IMPA2: variants seen among roughly 807,000 people sequenced by gnomAD.
IMPA2 encodes the protein IMP 2.
IMPA2 carries 32 observed loss-of-function variants against 35.1 expected under a neutral mutation model. The ratio of observed to expected loss-of-function variants is 0.91; its 90% CI spans 0.69 to 1.23. The LOEUF (loss-of-function observed/expected upper bound fraction) is 1.23, where lower values mean the gene tolerates loss of function less well. IMPA2 is among the 50% of genes most tolerant of loss of function. IMPA2 has a pLI of 0.00. For missense variants in IMPA2, 334 were observed against 387.6 expected, an observed-to-expected ratio of 0.86 and a Z score of 1.16; for synonymous variants, 135 against 160.6, an observed-to-expected ratio of 0.84 and a Z score of 1.20.
intron 5 of IMPA2, among the ~76,000 whole-genome samples, chr18:12,014,907 A>G (rs556549230): frequency 2.9e-4 from 44 of 152,300 alleles, no homozygotes; most frequent in African/African-American, 9.9e-4. Flanking sequence ...TCTCAGGGTC[A>G]TCCAGTGGCT....
intron 1 of IMPA2, among the ~76,000 whole-genome samples, chr18:11,985,186 A>G (rs1906632196): frequency 6.6e-6 from 1 of 151,488 alleles, no homozygotes; most frequent in Non-Finnish European, 1.5e-5. Context: ...ATACAAAATT[A>G]CAAATTCAAA....
chr18:11,992,298 C>T (rs1906838898), intron 1 of IMPA2, among the ~76,000 whole-genome samples: 3 of 152,242 alleles, frequency 2.0e-5, no homozygotes, highest in African/African-American at 7.2e-5. Context: ...GCCACATCTT[C>T]CTGACCTGAC....
chr18:12,027,215 CACA>C (rs1324089740), intron 5 of IMPA2, among the ~76,000 whole-genome samples: 3 of 152,190 alleles, frequency 2.0e-5, no homozygotes, highest in South Asian at 2.1e-4. Flanking sequence ...GGGTGTGTGG[CACA>C]ACAAGGACAA....
At chr18:12,001,121 C>T (rs776981574) in intron 2 of IMPA2, among the ~76,000 whole-genome samples, 9 of 151,282 alleles carry the variant, frequency 5.9e-5, no homozygotes, top group African/African-American at 1.9e-4. Flanking sequence ...TCCAGCTACT[C>T]GGGAGGCTGA....
intron 4 of IMPA2, among the ~76,000 whole-genome samples, chr18:12,013,413 T>C (rs1907487632): frequency 6.6e-6 from 1 of 152,168 alleles, no homozygotes; most frequent in Non-Finnish European, 1.5e-5. Context: ...GAATGACGCC[T>C]CCAACCGCCA....
chr18:12,027,960 A>G, intron 5 of IMPA2, 83 bp from the exon 6 acceptor site: 1 of 824,092 alleles, frequency 1.2e-6, no homozygotes, highest in Non-Finnish European at 2.0e-6. Flanking sequence ...TCTGAGAAAG[A>G]AAGGCTCACG....
intron 5 of IMPA2, among the ~76,000 whole-genome samples, chr18:12,022,783 T>C (rs1907769775): frequency 3.8e-5 from 1 of 26,608 alleles, no homozygotes; most frequent in Non-Finnish European, 2.4e-4. Flanking sequence ...TACTCTGTTC[T>C]TTTTTTTTTT....
chr18:12,020,179 T>TATTTATTTATTGATTG (rs554155222), intron 5 of IMPA2, among the ~76,000 whole-genome samples: 12 of 151,118 alleles, frequency 7.9e-5, no homozygotes, highest in African/African-American at 2.9e-4. Context: ...GGCCTTTATT[T>TATTTATTTATTGATTG]ATTGATTGAT....
At chr18:12,020,253 G>C (rs1383301020) in intron 5 of IMPA2, among the ~76,000 whole-genome samples, 2 of 152,044 alleles carry the variant, frequency 1.3e-5, no homozygotes, top group Non-Finnish European at 2.9e-5. Flanking sequence ...GAGTGCAGTG[G>C]TGAGATTTCA....
chr18:12,029,988 C>T (rs574526781), intron 7 of IMPA2, among the ~76,000 whole-genome samples: 67 of 152,352 alleles, frequency 4.4e-4, no homozygotes, highest in African/African-American at 1.6e-3. Flanking sequence ...CCTGGCTGAC[C>T]CCTGTGCACA....
chr18:12,027,567 A>AT lies in IMPA2; in HGVS notation c.491-453dup, dbSNP rs138876745. Among the ~76,000 whole-genome samples the AT allele has an allele frequency of 3.5e-3, 318 of 90,916 alleles. 10 individuals carry two copies. Among genetic ancestry groups the AT allele is most frequent in the South Asian group, 0.01 (24 of 2,310 alleles). 59.6% of individuals were successfully genotyped at this position (90,916 alleles called of 152,430 possible). A position where few individuals can be genotyped will look rare whatever the true frequency, so the allele number is the denominator to read the frequency against. On this transcript the variant is annotated intron_variant, in intron 5 of 7. Transcript: ENST00000269159. ...TTTTCTTTTTGGTTGAATGATGGTG[A>AT]TTTTTTTTTTTTTTTTTTTTTTTAA...
chr18:12,022,528 A>AATATATATATATATATATATAT (rs202132842), intron 5 of IMPA2, among the ~76,000 whole-genome samples: 1 of 96,822 alleles, frequency 1.0e-5, no homozygotes, highest in African/African-American at 4.3e-5. Flanking sequence ...TCTCAAAAAG[A>AATATATATATATATATATATAT]ATATATATAT....
intron 1 of IMPA2, among the ~76,000 whole-genome samples, chr18:11,997,743 T>C (rs1907001112): frequency 6.6e-6 from 1 of 152,172 alleles, no homozygotes; most frequent in African/African-American, 2.4e-5. Context: ...ACCTGGCCAA[T>C]TGATGGTCCT....
chr18:12,028,947 C>T lies in IMPA2; in HGVS notation c.705C>T (p.Ala235=). Residue 235 remains alanine (A), a synonymous_variant, in exon 7 of 8, where the codon GCC becomes GCT. Transcript: ENST00000269159. ...TGCACTGCTGGGATCTGGCGGCTGC[C>T]ACAGTCATCATCAGAGAAGCAGGCG... ...FGLHCWDLAA[A]TVIIREAGGI... is the part of the protein sequence containing the mutation. 1 of 1,614,012 alleles carries T rather than the reference C, an allele frequency of 6.2e-7. No individual in the cohort carries two copies. The highest frequency in any genetic ancestry group is 8.5e-7 in the Non-Finnish European group (1 of 1,180,032).
At chr18:12,014,175 G>C (rs916364663) in intron 4 of IMPA2, 90 bp from the exon 5 acceptor site, 2 of 884,046 alleles carry the variant, frequency 2.3e-6, no homozygotes, top group Admixed American at 3.9e-5. Context: ...CTAACGCCTA[G>C]CGCAGCCTTC....
chr18:11,981,640 C>G lies in IMPA2; in HGVS notation c.-30C>G. The G allele has an allele frequency of 8.2e-7, 1 of 1,220,772 alleles. No individual in the cohort carries two copies. The highest frequency in any genetic ancestry group is 3.2e-5 in the East Asian group (1 of 31,308). The allele number at this position is 1,220,772 out of a possible 1,614,324, so 75.6% of individuals were successfully genotyped here. ...GGAGCCGGAGTCCCGCCGAGGGGGG[C>G]TGGAGGTGGAGGGGCCCGGCGAGGC... On this transcript the variant is annotated 5_prime_UTR_variant, in exon 1 of 8. Transcript: ENST00000269159.
At chr18:12,003,671 G>GA (rs56354907) in intron 2 of IMPA2, among the ~76,000 whole-genome samples, 1 of 108,196 alleles carries the variant, frequency 9.2e-6, no homozygotes. Flanking sequence ...AAAAGAAAAG[G>GA]AAAAAAAAAA....
In IMPA2 at chr18:12,025,354, G is replaced by C. The variant is rs535448702; in HGVS notation, c.491-2689G>C. ...TAACACTGGTGTGAAAGTTTTATGTGAAAACAAGTTTTCAACTCCTTGGGT... is the reference window on the plus strand; with the variant it reads ...TAACACTGGTGTGAAAGTTTTATGTCAAAACAAGTTTTCAACTCCTTGGGT... On this transcript the variant is annotated intron_variant, in intron 5 of 7. Coordinates refer to ENST00000269159, the MANE Select transcript of IMPA2 (RefSeq NM_014214.3). Among the ~76,000 whole-genome samples, 3 of 152,308 alleles carry C rather than the reference G, an allele frequency of 2.0e-5. No homozygotes were observed. In the South Asian group the frequency reaches 6.2e-4, roughly 32 times the overall value.
In IMPA2 at chr18:12,002,708, G is replaced by A. The variant is rs569454070; in HGVS notation, c.230+3521G>A. Among the ~76,000 whole-genome samples, 19 of 150,512 alleles carry A rather than the reference G, an allele frequency of 1.3e-4. No homozygotes were observed. In the East Asian group the frequency reaches 1.9e-3, roughly 15 times the overall value. ...GAGGCTCGCTTGAGTCCTGGAGGTC[G>A]AGTTGTGATGCTGCCACTGCAGTCT... On this transcript the variant is annotated intron_variant, in intron 2 of 7. Transcript: ENST00000269159.
Sources: allele counts gnomAD v4.1 joint callset (sites outside exome capture counted in the v4.1 genomes callset), GRCh38; gene constraint gnomAD v4.1.1; transcripts MANE v1.5; gene names NCBI Gene and HGNC (gene_info 2026-07-23, HGNC 2026-07-21).